The following CADM2 variants were observed in gnomAD, a reference collection of about 807,000 sequenced individuals.
The protein encoded by CADM2 is immunoglobulin superfamily member 4D.
In CADM2, 12 loss-of-function variants were observed where a neutral mutation model predicts 49.8. The ratio of observed to expected loss-of-function variants is 0.24; its 90% CI spans 0.15 to 0.39. The LOEUF (loss-of-function observed/expected upper bound fraction) is 0.39, where lower values mean the gene tolerates loss of function less well. Ranked by LOEUF, CADM2 falls within the 10% of genes least tolerant of loss-of-function variation. The pLI, the probability that CADM2 is intolerant of heterozygous loss-of-function variation, is 1.00. For missense variants in CADM2, 378 were observed against 492.3 expected (o/e 0.77, Z 2.20); for synonymous variants, 214 against 175.4 (o/e 1.22, Z -1.74).
rs1026275169 is a variant in CADM2, at chr3:85,545,907, G to A, written c.62-180615G>A. On this transcript the variant is annotated intron_variant, in intron 1 of 9. Transcript: ENST00000383699. Reference sequence around the variant, plus strand: ...ACCAGAGATCTAAATTTTGGTATGAGAGCATATAGATTAAAATGCCTACTA... The same window carrying A: ...ACCAGAGATCTAAATTTTGGTATGAAAGCATATAGATTAAAATGCCTACTA... Among the ~76,000 whole-genome samples the A allele has an allele frequency of 3.3e-5, 5 of 152,268 alleles. No homozygotes were observed. In the South Asian group the frequency reaches 1.0e-3, roughly 32 times the overall value.
rs1553721577 is a variant in CADM2 at position 86,005,555 on chromosome 3, TA to T, written c.970+43923del. ...AACAACAGCGAGACTCCGTCTCATA[TA>T]AAAAAAAAAAAAAAGTGAGCATATA... On this transcript the variant is annotated intron_variant, in intron 8 of 9. Coordinates refer to ENST00000383699, the MANE Select transcript of CADM2 (RefSeq NM_001167675.2). Among the ~76,000 whole-genome samples, 714 of 91,742 alleles carry T rather than the reference TA, an allele frequency of 7.8e-3. 7 individuals are homozygous for T. The highest frequency in any genetic ancestry group is 0.015 in the African/African-American group (535 of 34,522). 60.2% of individuals were successfully genotyped at this position (91,742 alleles called of 152,430 possible). A position where few individuals can be genotyped will look rare whatever the true frequency, so the allele number is the denominator to read the frequency against.
At chr3:85,196,400 T>A (rs1031032451) in intron 1 of CADM2, among the ~76,000 whole-genome samples, 18 of 151,988 alleles carry the variant, frequency 1.2e-4, no homozygotes, top group Admixed American at 1.1e-3. Flanking sequence ...TCCATCAGTT[T>A]GTTATGAGTT....
rs187742166 is a variant in CADM2, at chr3:85,137,812, T to C, written c.61+178144T>C. On this transcript the variant is annotated intron_variant, in intron 1 of 9. Coordinates refer to ENST00000383699, the MANE Select transcript of CADM2 (RefSeq NM_001167675.2). The stretch of plus-strand genomic sequence containing the variant: ...TGATATGGCTTTAAAACATCAAGAA[T>C]ATTTTGGCTGAATCATACACAATGA... Among the ~76,000 whole-genome samples, 404 of 152,254 alleles carry C rather than the reference T, an allele frequency of 2.7e-3. 2 individuals are homozygous for C. The highest frequency in any genetic ancestry group is 9.3e-3 in the African/African-American group (388 of 41,576).
intron 1 of CADM2, among the ~76,000 whole-genome samples, chr3:85,146,215 C>T (rs977882066): frequency 1.3e-5 from 2 of 151,976 alleles, no homozygotes; most frequent in African/African-American, 4.8e-5. Flanking sequence ...TTAACAACAC[C>T]CAAATAACCA....
At chr3:85,519,819 C>G (rs532469474) in intron 1 of CADM2, among the ~76,000 whole-genome samples, 2 of 151,964 alleles carry the variant, frequency 1.3e-5, no homozygotes, top group Non-Finnish European at 2.9e-5. Context: ...GTTCCTGGTA[C>G]TATTTTAAAT....
intron 1 of CADM2, among the ~76,000 whole-genome samples, chr3:85,064,025 C>T (rs1046700417): frequency 2.6e-5 from 4 of 152,014 alleles, no homozygotes; most frequent in Non-Finnish European, 4.4e-5. Flanking sequence ...AGAGAAATGA[C>T]AAGACATTGA....
At chr3:85,382,213 A>C (rs567203620) in intron 1 of CADM2, among the ~76,000 whole-genome samples, 27 of 152,320 alleles carry the variant, frequency 1.8e-4, no homozygotes, top group African/African-American at 6.3e-4. Flanking sequence ...ATTGTACTCA[A>C]AATAAATTCT....
At chr3:85,955,300 G>A (rs563840941) in intron 7 of CADM2, among the ~76,000 whole-genome samples, 29 of 151,440 alleles carry the variant, frequency 1.9e-4, no homozygotes, top group African/African-American at 3.6e-4. Flanking sequence ...AAGGCAGCAC[G>A]AATCCCAAGG....
intron 8 of CADM2, chr3:85,993,692 G>C (rs1729044957): frequency 2.0e-5 from 3 of 152,076 alleles, no homozygotes; most frequent in Admixed American, 2.0e-4. Context: ...GTGTTTAACA[G>C]GCATGAAAAC....
At chr3:85,573,833 A>C (rs180737371) in intron 1 of CADM2, among the ~76,000 whole-genome samples, 1 of 152,252 alleles carries the variant, frequency 6.6e-6, no homozygotes, top group Non-Finnish European at 1.5e-5. Flanking sequence ...TTAATTAACT[A>C]GTCCTTATGA....
At chr3:85,515,631 A>ATATATATATATTTTTT (rs1159969286) in intron 1 of CADM2, among the ~76,000 whole-genome samples, 1 of 118,426 alleles carries the variant, frequency 8.4e-6, no homozygotes, top group African/African-American at 3.4e-5. Context: ...ATATATATAT[A>ATATATATATATTTTTT]TTTTTTTTTT....
intron 8 of CADM2, among the ~76,000 whole-genome samples, chr3:85,982,810 A>G (rs9837508): frequency 0.17 from 25,555 of 151,650 alleles, 2,210 homozygotes; most frequent in South Asian, 0.23. Flanking sequence ...AGGATTCATA[A>G]TAAGAATATA....
At position 85,168,118 on chromosome 3, in the gene CADM2, C is replaced by T. The variant is rs192121917; in HGVS notation, c.61+208450C>T. On this transcript the variant is annotated intron_variant, in intron 1 of 9. Coordinates refer to ENST00000383699, the MANE Select transcript of CADM2 (RefSeq NM_001167675.2). ...TTTCCCACGCTAGAGTGCAGTGGCTCGATCTGGGCTCTTTGCAACCTCCAC... is the reference window on the plus strand; with the variant it reads ...TTTCCCACGCTAGAGTGCAGTGGCTTGATCTGGGCTCTTTGCAACCTCCAC... Among the ~76,000 whole-genome samples the T allele has an allele frequency of 1.0e-3, 159 of 152,190 alleles. 2 individuals carry two copies. In the South Asian group the frequency reaches 0.032, roughly 30 times the overall value.
At chr3:86,017,092 T>G (rs1265916073) in intron 8 of CADM2, among the ~76,000 whole-genome samples, 1 of 151,118 alleles carries the variant, frequency 6.6e-6, no homozygotes, top group Non-Finnish European at 1.5e-5. Flanking sequence ...TTCTGTGCCA[T>G]CAAGCTAATA....
intron 1 of CADM2, among the ~76,000 whole-genome samples, chr3:85,133,390 C>T (rs1041399419): frequency 9.9e-5 from 15 of 152,146 alleles, no homozygotes; most frequent in African/African-American, 3.4e-4. Flanking sequence ...CACAAAGGTT[C>T]TCTACGTCCC....
intron 5 of CADM2, among the ~76,000 whole-genome samples, chr3:85,908,572 A>G (rs938350575): frequency 4.6e-5 from 7 of 152,020 alleles, no homozygotes; most frequent in Non-Finnish European, 1.0e-4. Flanking sequence ...TATTATAGAA[A>G]ATTTCTGACA....
intron 7 of CADM2, among the ~76,000 whole-genome samples, chr3:85,936,184 C>A (rs115510087): frequency 0.016 from 2,491 of 151,758 alleles, 65 homozygotes; most frequent in African/African-American, 0.056. Context: ...GAATTCAGTT[C>A]TCCCATGAAA....
At chr3:85,709,483 G>A (rs2107733463) in intron 1 of CADM2, among the ~76,000 whole-genome samples, 1 of 152,186 alleles carries the variant, frequency 6.6e-6, no homozygotes, top group Admixed American at 6.5e-5. Context: ...TAATATGGCT[G>A]TGTACAATTT....
At position 85,657,642 on chromosome 3, in the gene CADM2, C is replaced by A. The variant is rs143468960; in HGVS notation, c.62-68880C>A. Among the ~76,000 whole-genome samples the A allele has an allele frequency of 3.9e-3, 575 of 148,670 alleles. 6 individuals carry two copies. Among genetic ancestry groups the A allele is most frequent in the African/African-American group, 0.013 (519 of 40,610 alleles). ...TAGCAACAATTATTTGTATACATTT[C>A]TTTTGAGAGCAGTATACATATATAT... On this transcript the variant is annotated intron_variant, in intron 1 of 9. Coordinates refer to ENST00000383699, the MANE Select transcript of CADM2 (RefSeq NM_001167675.2).
Sources: gnomAD v4.1 joint callset for allele counts (sites outside exome capture counted in the v4.1 genomes callset) on GRCh38, gnomAD v4.1.1 for gene constraint, MANE v1.5 for transcripts, NCBI Gene and HGNC (gene_info 2026-07-23, HGNC 2026-07-21) for gene names.